Variants in GPC5 observed in about 807,000 individuals in gnomAD.
GPC5 encodes the protein glypican 5.
In GPC5, 47 loss-of-function variants were observed where a neutral mutation model predicts 53.9. The ratio of observed to expected loss-of-function variants is 0.87; its 90% CI spans 0.69 to 1.11. The LOEUF is 1.11. Ranked by LOEUF, GPC5 falls within the 50% of genes most tolerant of loss-of-function variation. The pLI is 0.00. For missense variants in GPC5, 748 were observed against 713.1 expected, an observed-to-expected ratio of 1.05 and a Z score of -0.56; for synonymous variants, 286 against 263.3, an observed-to-expected ratio of 1.09 and a Z score of -0.84.
intron 7 of GPC5, among the ~76,000 whole-genome samples, chr13:92,667,392 T>C (rs1304066962): frequency 4.6e-5 from 7 of 151,684 alleles, no homozygotes; most frequent in African/African-American, 1.7e-4. Flanking sequence ...AATTATCTGA[T>C]CACCAAAAAA....
chr13:92,209,687 A>AT (rs1480070586), intron 7 of GPC5, among the ~76,000 whole-genome samples: 4 of 152,050 alleles, frequency 2.6e-5, no homozygotes, highest in African/African-American at 4.8e-5. Context: ...TAAAAAAAAA[A>AT]TAGTGTCTAG....
intron 1 of GPC5, among the ~76,000 whole-genome samples, chr13:91,399,496 C>G (rs746344083): frequency 5.3e-5 from 8 of 152,238 alleles, no homozygotes; most frequent in Non-Finnish European, 8.8e-5. Context: ...ACCAGGAAAG[C>G]AGACATCAGG....
At chr13:91,527,783 C>G (rs956793692) in intron 2 of GPC5, among the ~76,000 whole-genome samples, 3 of 152,260 alleles carry the variant, frequency 2.0e-5, no homozygotes, top group African/African-American at 7.2e-5. Flanking sequence ...AAGCTCAACT[C>G]TTATCTTCTG....
At chr13:92,427,784 A>G (rs1876901264) in intron 7 of GPC5, among the ~76,000 whole-genome samples, 1 of 152,166 alleles carries the variant, frequency 6.6e-6, no homozygotes, top group African/African-American at 2.4e-5. Context: ...AATAAATCCA[A>G]AGATCTCAAT....
chr13:91,895,430 A>G (rs756852719), intron 5 of GPC5, among the ~76,000 whole-genome samples: 4 of 152,200 alleles, frequency 2.6e-5, no homozygotes, highest in Non-Finnish European at 4.4e-5. Context: ...ACCCTTGACT[A>G]CAAGGTGCTG....
intron 5 of GPC5, among the ~76,000 whole-genome samples, chr13:91,859,901 G>C (rs2039007244): frequency 6.6e-6 from 1 of 151,828 alleles, no homozygotes; most frequent in Non-Finnish European, 1.5e-5. Flanking sequence ...ATATGTAACT[G>C]TGTTATTGCC....
chr13:92,494,835 C>T (rs1421525492), intron 7 of GPC5, among the ~76,000 whole-genome samples: 1 of 152,184 alleles, frequency 6.6e-6, no homozygotes, highest in African/African-American at 2.4e-5. Flanking sequence ...TCTTTTCCTA[C>T]ATGTTTTATG....
Position 92,164,100 on chromosome 13 carries a change from G to C in GPC5, c.1561+19111G>C, listed in dbSNP as rs142086220. Among the ~76,000 whole-genome samples the C allele has an allele frequency of 1.4e-4, 21 of 152,282 alleles. No homozygotes were observed. In the East Asian group the frequency reaches 3.9e-3, roughly 28 times the overall value. Reference sequence around the variant, plus strand: ...AGAGGTCCTTTCCCCAACATGTGGGGATTACAATTCAAGATGAAATTTGGG... The same window carrying C: ...AGAGGTCCTTTCCCCAACATGTGGGCATTACAATTCAAGATGAAATTTGGG... On this transcript the variant is annotated intron_variant, in intron 7 of 7. Transcript: ENST00000377067.
chr13:92,595,498 G>T (rs546513373), intron 7 of GPC5, among the ~76,000 whole-genome samples: 13 of 152,250 alleles, frequency 8.5e-5, no homozygotes, highest in African/African-American at 2.4e-4. Flanking sequence ...GCCGGGCGCG[G>T]TGGCTCACGC....
intron 7 of GPC5, among the ~76,000 whole-genome samples, chr13:92,497,066 C>G (rs143977233): frequency 1.3e-5 from 2 of 152,264 alleles, no homozygotes; most frequent in African/African-American, 4.8e-5. Context: ...CCTGTTCATT[C>G]TGATGATAAT....
At chr13:92,738,778 C>G (rs962463977) in intron 7 of GPC5, among the ~76,000 whole-genome samples, 1 of 151,894 alleles carries the variant, frequency 6.6e-6, no homozygotes, top group African/African-American at 2.4e-5. Context: ...TAGGATTTTC[C>G]GTGAAAAAGG....
At chr13:92,091,646 G>A (rs2041381533) in intron 6 of GPC5, among the ~76,000 whole-genome samples, 1 of 150,982 alleles carries the variant, frequency 6.6e-6, no homozygotes, top group African/African-American at 2.4e-5. Context: ...TACCACGAAT[G>A]ACACAAAATA....
chr13:92,356,155 A>C lies in GPC5; in HGVS notation c.1561+211166A>C, dbSNP rs541331091. ...TGTACTCCTAATGTATTAACAATTT[A>C]ATTTATTTGTTTGTTTATTTATTTC... On this transcript the variant is annotated intron_variant, in intron 7 of 7. Coordinates refer to ENST00000377067, the MANE Select transcript of GPC5 (RefSeq NM_004466.6). Among the ~76,000 whole-genome samples the C allele has an allele frequency of 8.5e-5, 13 of 152,284 alleles. No homozygotes were observed. In the South Asian group the frequency reaches 2.7e-3, roughly 32 times the overall value.
intron 7 of GPC5, among the ~76,000 whole-genome samples, chr13:92,553,387 ACT>A (rs1436309440): frequency 6.6e-6 from 1 of 151,938 alleles, no homozygotes; most frequent in Non-Finnish European, 1.5e-5. Flanking sequence ...AACCAACTAA[ACT>A]CTTATTTTGG....
At chr13:92,553,919 T>C (rs949647727) in intron 7 of GPC5, among the ~76,000 whole-genome samples, 1 of 152,000 alleles carries the variant, frequency 6.6e-6, no homozygotes, top group African/African-American at 2.4e-5. Flanking sequence ...ACATTTATGA[T>C]GGTGTCATTT....
chr13:92,280,620 A>G (rs1289702185), intron 7 of GPC5, among the ~76,000 whole-genome samples: 3 of 152,192 alleles, frequency 2.0e-5, no homozygotes, highest in Admixed American at 2.0e-4. Flanking sequence ...TATTTGCTGA[A>G]TTCCTAACTT....
At chr13:92,336,543 A>G (rs778174760) in intron 7 of GPC5, among the ~76,000 whole-genome samples, 2 of 141,516 alleles carry the variant, frequency 1.4e-5, no homozygotes, top group Non-Finnish European at 3.1e-5. Context: ...TTGTCTTAGT[A>G]TTTGATGTTG....
chr13:92,542,270 G>T (rs1371716951), intron 7 of GPC5, among the ~76,000 whole-genome samples: 1 of 151,822 alleles, frequency 6.6e-6, no homozygotes, highest in Non-Finnish European at 1.5e-5. Flanking sequence ...TGGAACACTA[G>T]ACTCTATTCC....
intron 7 of GPC5, among the ~76,000 whole-genome samples, chr13:92,659,728 A>C (rs1342282218): frequency 6.6e-6 from 1 of 152,214 alleles, no homozygotes; most frequent in African/African-American, 2.4e-5. Flanking sequence ...GCATACTCTG[A>C]TGGAAGGAAT....
Sources: gnomAD v4.1 joint callset for allele counts (sites outside exome capture counted in the v4.1 genomes callset) on GRCh38, gnomAD v4.1.1 for gene constraint, MANE v1.5 for transcripts, NCBI Gene and HGNC (gene_info 2026-07-23, HGNC 2026-07-21) for gene names.